PRDM10: variants seen among roughly 807,000 people sequenced by gnomAD.
PRDM10 encodes PR domain zinc finger protein 10.
In PRDM10, 65 loss-of-function variants were observed where a neutral mutation model predicts 133.1. The observed-to-expected ratio is 0.49, with a 90% CI of 0.40 to 0.60. The LOEUF (loss-of-function observed/expected upper bound fraction) is 0.60. Among genes scored for constraint, PRDM10 ranks in the 20% least tolerant of loss-of-function variants. The pLI is 0.00. For synonymous variants in PRDM10, 582 were observed against 580.4 expected, an observed-to-expected ratio of 1.00 and a Z score of -0.04; for missense variants, 1,137 against 1,507.1, an observed-to-expected ratio of 0.75 and a Z score of 4.07.
chr11:129,909,910 A>G (rs1325271969), intron 19 of PRDM10, among the ~76,000 whole-genome samples: 1 of 152,214 alleles, frequency 6.6e-6, no homozygotes, highest in African/African-American at 2.4e-5. Context: ...CCTGGGTTCC[A>G]ATCCTCTGTT....
chr11:129,932,292 C>T (rs1258596641), intron 9 of PRDM10, 61 bp from the exon 10 acceptor site: 23 of 1,578,268 alleles, frequency 1.5e-5, no homozygotes, highest in South Asian at 5.6e-5. Flanking sequence ...TAACAAGTAG[C>T]GACCTAAATG....
At chr11:129,974,614 C>T (rs1345278657) in intron 1 of PRDM10, among the ~76,000 whole-genome samples, 1 of 152,176 alleles carries the variant, frequency 6.6e-6, no homozygotes. Context: ...AAAGATCATT[C>T]CCATGAGCAA....
chr11:129,910,018 G>A (rs1369007724), intron 19 of PRDM10, among the ~76,000 whole-genome samples: 1 of 152,200 alleles, frequency 6.6e-6, no homozygotes, highest in Non-Finnish European at 1.5e-5. Flanking sequence ...AATACTGACT[G>A]TGATATATAT....
intron 11 of PRDM10, among the ~76,000 whole-genome samples, chr11:129,929,197 G>A (rs889273186): frequency 6.6e-6 from 1 of 152,198 alleles, no homozygotes; most frequent in African/African-American, 2.4e-5. Context: ...AGATCACTTA[G>A]TCCTACCCTT....
At chr11:129,953,291 G>GTT (rs1951625463) in intron 4 of PRDM10, among the ~76,000 whole-genome samples, 3 of 152,014 alleles carry the variant, frequency 2.0e-5, no homozygotes, top group South Asian at 2.1e-4. Flanking sequence ...ATTTCTGTGT[G>GTT]TTTTGTGTTT....
intron 1 of PRDM10, among the ~76,000 whole-genome samples, chr11:129,997,532 C>T (rs996343723): frequency 2.0e-5 from 3 of 152,128 alleles, no homozygotes; most frequent in Non-Finnish European, 2.9e-5. Flanking sequence ...CTGGTCCAAA[C>T]GGTTCCTTCC....
chr11:129,935,397 G>A (rs1420902186), intron 8 of PRDM10, among the ~76,000 whole-genome samples, 179 bp from the exon 9 acceptor site: 21 of 152,130 alleles, frequency 1.4e-4, no homozygotes, highest in East Asian at 1.9e-4. Flanking sequence ...GCAGAGAGTT[G>A]CTTTTTAGGA....
chr11:129,941,542 C>A (rs150309023), intron 7 of PRDM10, among the ~76,000 whole-genome samples: 23 of 152,274 alleles, frequency 1.5e-4, no homozygotes, highest in African/African-American at 5.1e-4. Context: ...TTAATCACTC[C>A]GTCACAGATA....
At chr11:129,969,639 CA>C (rs140612028) in intron 1 of PRDM10, among the ~76,000 whole-genome samples, 20,241 of 103,346 alleles carry the variant, frequency 0.2, 3,200 homozygotes, top group African/African-American at 0.43. Flanking sequence ...ACTAGAAATA[CA>C]AAAAAAAAAA....
chr11:129,985,384 T>C lies in PRDM10; in HGVS notation c.-119+17338A>G, dbSNP rs144748689. On this transcript the variant is annotated intron_variant, in intron 1 of 20. Transcript: ENST00000360871. ...CACTATGGGGGGAAAATGCAATTGA[T>C]AGATGACATGATCTCGTACAATACA... 3.0e-3 allele frequency among the ~76,000 whole-genome samples: 456 copies of C among 152,216 alleles called. 3 individuals carry two copies. The highest frequency in any genetic ancestry group is 0.01 in the African/African-American group (429 of 41,534).
chr11:129,972,689 A>G (rs890581565), intron 1 of PRDM10, among the ~76,000 whole-genome samples: 22 of 152,342 alleles, frequency 1.4e-4, no homozygotes, highest in African/African-American at 5.1e-4. Flanking sequence ...GATTTAGAGG[A>G]GTCTTCAACA....
chr11:129,977,255 T>TATACACACAC (rs1483508240), intron 1 of PRDM10, among the ~76,000 whole-genome samples: 3 of 132,490 alleles, frequency 2.3e-5, no homozygotes, highest in African/African-American at 8.3e-5. Flanking sequence ...ATGACTAAAA[T>TATACACACAC]ACACACACAC....
intron 18 of PRDM10, 21 bp downstream of exon 18, chr11:129,912,064 A>T (rs761355122): frequency 6.3e-7 from 1 of 1,578,856 alleles, no homozygotes; most frequent in Non-Finnish European, 8.6e-7. Context: ...ACACCTCCAA[A>T]TAGTCTGTGG....
In PRDM10 at chr11:129,957,893, G is replaced by A; in HGVS notation, c.87C>T (p.Asp29=). 1.2e-6 allele frequency: 2 copies of A among 1,612,454 alleles called. No individual in the cohort carries two copies. The highest frequency in any genetic ancestry group is 2.2e-5 in the South Asian group (2 of 90,876). Reference sequence around the variant, plus strand: ...AGACAATCTGAGCCACTGTTCCTGTGTCCGGAACAAAGTGCACCTGGCATA... The same window carrying A: ...AGACAATCTGAGCCACTGTTCCTGTATCCGGAACAAAGTGCACCTGGCATA... ...QNAAQVHFVP[D]TGTVAQIVYT... is the part of the protein sequence containing the mutation. The change falls in exon 3 of 21, where the codon GAC becomes GAT. Residue 29 remains aspartate, a synonymous_variant. Coordinates refer to ENST00000360871, the MANE Select transcript of PRDM10 (RefSeq NM_199437.2).
At chr11:130,002,562 C>A (rs529131423) in intron 1 of PRDM10, among the ~76,000 whole-genome samples, 160 bp downstream of exon 1, 56 of 152,138 alleles carry the variant, frequency 3.7e-4, no homozygotes, top group Admixed American at 3.9e-4. Flanking sequence ...ATTCCCCCCC[C>A]ACCCGGGTCC....
At chr11:129,984,867 C>T (rs914319631) in intron 1 of PRDM10, among the ~76,000 whole-genome samples, 2 of 152,194 alleles carry the variant, frequency 1.3e-5, no homozygotes, top group African/African-American at 2.4e-5. Context: ...ATGCTTTCTC[C>T]GCCACTGTCC....
At chr11:129,902,593 T>C in intron 20 of PRDM10, 77 bp from the exon 21 acceptor site, 22 of 1,513,868 alleles carry the variant, frequency 1.5e-5, no homozygotes, top group Non-Finnish European at 1.9e-5. Flanking sequence ...AGGAGGGAGA[T>C]GTGAAGAAAT....
Position 129,914,936 on chromosome 11 carries a change from G to A in PRDM10, c.2609C>T (p.Ala870Val). ...SNTIHTPLTTAVISATPAVLT... is the reference protein window; with the variant it reads ...SNTIHTPLTTVVISATPAVLT... ...AACCGCTGGGGTGGCACTGATCACA[G>A]CTGTCGTCAGTGGTGTGTGTATGGT... Residue 870 changes from alanine to valine, a missense_variant, in exon 17 of 21, where the codon GCT becomes GTT. Coordinates refer to ENST00000360871, the MANE Select transcript of PRDM10 (RefSeq NM_199437.2). 6.2e-7 allele frequency: 1 copy of A among 1,614,192 alleles called. No individual in the cohort carries two copies. The highest frequency in any genetic ancestry group is 1.1e-5 in the South Asian group (1 of 91,086).
At position 129,923,520 on chromosome 11, in the gene PRDM10, C is replaced by A; in HGVS notation, c.1879-117G>T. On this transcript the variant is annotated intron_variant, in intron 12 of 20. Coordinates refer to ENST00000360871, the MANE Select transcript of PRDM10 (RefSeq NM_199437.2). The surrounding 1 kb of genome is among the most constrained non-coding windows in gnomAD (Gnocchi z 4.4). ...CATTACCATGGGTTTTCATCAACCC[C>A]GCCGAGGAATCCAATCAGATGTGAT... The A allele has an allele frequency of 9.0e-7, 1 of 1,108,508 alleles. No homozygotes were observed. 68.7% of individuals were successfully genotyped at this position (1,108,508 alleles called of 1,614,324 possible).
Sources: allele counts gnomAD v4.1 joint callset (sites outside exome capture counted in the v4.1 genomes callset), GRCh38; gene constraint gnomAD v4.1.1; non-coding constraint Gnocchi (gnomAD v3.1); transcripts MANE v1.5; gene names NCBI Gene and HGNC (gene_info 2026-07-23, HGNC 2026-07-21).